CRAMP1: variants seen among roughly 807,000 people sequenced by gnomAD.
The protein encoded by CRAMP1 is protein cramped-like.
In CRAMP1, 50 loss-of-function variants were observed where a neutral mutation model predicts 115.4. That is an observed-to-expected ratio of 0.43 (90% CI 0.35 to 0.55). CRAMP1 has a LOEUF of 0.55. Ranked by LOEUF, CRAMP1 falls within the 20% of genes least tolerant of loss-of-function variation. CRAMP1 has a pLI of 0.01. For synonymous variants in CRAMP1, 866 were observed against 745.4 expected (o/e 1.16, Z -2.64); for missense variants, 1,679 against 1,721.7 (o/e 0.98, Z 0.44).
intron 2 of CRAMP1, among the ~76,000 whole-genome samples, chr16:1,617,070 C>T (rs13336178): frequency 0.084 from 12,817 of 152,010 alleles, 597 homozygotes; most frequent in African/African-American, 0.12. Flanking sequence ...GTGATCCTCC[C>T]GCCTCAGCCC....
intron 2 of CRAMP1, among the ~76,000 whole-genome samples, chr16:1,622,405 C>G (rs952802155): frequency 6.6e-6 from 1 of 152,100 alleles, no homozygotes; most frequent in Non-Finnish European, 1.5e-5. Flanking sequence ...CCCAGCTACT[C>G]GAGAGGCTGG....
intron 17 of CRAMP1, 143 bp from the exon 18 acceptor site, chr16:1,667,819 C>T (rs1202257236): frequency 8.1e-6 from 5 of 619,966 alleles, no homozygotes; most frequent in African/African-American, 3.7e-5. Flanking sequence ...CGAGTGTGTT[C>T]CTGAGTTGGA....
chr16:1,675,957 C>G lies in CRAMP1; in HGVS notation c.*1912C>G, dbSNP rs369807956. Reference sequence around the variant, plus strand: ...ATTGAGCCAGAGAAGACAAGGAGATCTCCCTCTGGGCATCTGGCTTTGCTG... The same window carrying G: ...ATTGAGCCAGAGAAGACAAGGAGATGTCCCTCTGGGCATCTGGCTTTGCTG... On this transcript the variant is annotated 3_prime_UTR_variant, in exon 21 of 21. Coordinates refer to ENST00000397412, the MANE Select transcript of CRAMP1 (RefSeq NM_020825.4). The G allele has an allele frequency of 6.6e-6, 1 of 152,250 alleles. No individual in the cohort carries two copies. Among genetic ancestry groups the G allele is most frequent in the Non-Finnish European group, 1.5e-5 (1 of 68,064 alleles). The allele number at this position is 152,250 out of a possible 1,614,324, so 9.4% of individuals were successfully genotyped here. A position where few individuals can be genotyped will look rare whatever the true frequency, so the allele number is the denominator to read the frequency against.
intron 10 of CRAMP1, among the ~76,000 whole-genome samples, chr16:1,657,453 C>T (rs770596307): frequency 3.9e-5 from 6 of 152,192 alleles, no homozygotes; most frequent in African/African-American, 7.2e-5. Context: ...GGCCTGGAGC[C>T]GAGCTAGCCT....
At chr16:1,647,334 A>G (rs1281739100) in intron 6 of CRAMP1, among the ~76,000 whole-genome samples, 1 of 152,238 alleles carries the variant, frequency 6.6e-6, no homozygotes, top group Non-Finnish European at 1.5e-5. Context: ...GTGGTTTTGC[A>G]GAGAAGAGAA....
chr16:1,655,878 G>C lies in CRAMP1; in HGVS notation c.1121G>C (p.Arg374Pro). ...GGGCCTTCCTTGACGGGCACTCAGC[G>C]GAAGACACTCGAGGAGCGGCAGCTG... Reference protein sequence around the residue: ...QKWALHEVRVRKTLEERQLQD... With the variant: ...QKWALHEVRVPKTLEERQLQD... Residue 374 changes from arginine to proline, a missense_variant and splice_region_variant, in exon 10 of 21, where the codon CGG (arginine) becomes CCG (proline). Transcript: ENST00000397412. The C allele has an allele frequency of 6.2e-7, 1 of 1,605,714 alleles. No homozygotes were observed. The highest frequency in any genetic ancestry group is 8.5e-7 in the Non-Finnish European group (1 of 1,174,784).
Position 1,656,716 on chromosome 16 carries a change from G to A in CRAMP1, c.1959G>A (p.Gln653=), listed in dbSNP as rs1320586522. The change falls in exon 10 of 21, where the codon CAG becomes CAA. Residue 653 remains glutamine (Q), a synonymous_variant. Transcript: ENST00000397412. The surrounding 1 kb of genome is among the most constrained non-coding windows in gnomAD (Gnocchi z 5.6). ...GCCCCGCGGGGCCTCCGCCGTCTCA[G>A]GGACAGCCTGCCGCCAGGCCCCCGA... ...KGSPAGPPPS[Q]GQPAARPPKE... 6.4e-7 allele frequency: 1 copy of A among 1,553,644 alleles called. No individual in the cohort carries two copies. The highest frequency in any genetic ancestry group is 1.4e-5 in the African/African-American group (1 of 73,214).
intron 2 of CRAMP1, among the ~76,000 whole-genome samples, chr16:1,619,024 G>A (rs552785571): frequency 3.3e-5 from 5 of 152,172 alleles, no homozygotes; most frequent in African/African-American, 9.7e-5. Context: ...TAGACTTTTC[G>A]ATTTTCATTT....
intron 2 of CRAMP1, among the ~76,000 whole-genome samples, chr16:1,623,187 T>C (rs7201375): frequency 0.19 from 28,880 of 152,218 alleles, 3,873 homozygotes; most frequent in African/African-American, 0.37. Context: ...ACTGAGGATG[T>C]GTCATTTTTA....
intron 11 of CRAMP1, among the ~76,000 whole-genome samples, chr16:1,660,464 G>T (rs1283657540): frequency 4.6e-5 from 7 of 152,162 alleles, no homozygotes. Context: ...AGTTAGGGGA[G>T]GTGCCAGTAG....
intron 6 of CRAMP1, among the ~76,000 whole-genome samples, chr16:1,643,410 G>A (rs1052719628): frequency 2.0e-5 from 3 of 152,146 alleles, no homozygotes; most frequent in Admixed American, 6.5e-5. Flanking sequence ...GTGTGGTGGT[G>A]CATGCCTGTA....
Position 1,614,281 on chromosome 16 carries a change from A to ACCCGCG in CRAMP1, c.-1-349_-1-344dup, listed in dbSNP as rs1283834960. 2.1e-5 allele frequency among the ~76,000 whole-genome samples: 3 copies of ACCCGCG among 142,440 alleles called. No homozygotes were observed. The highest frequency in any genetic ancestry group is 5.1e-5 in the African/African-American group (2 of 39,054). The allele number at this position is 142,440 out of a possible 152,430, so 93.4% of individuals were successfully genotyped here. ...GGCCCGGACCCGCAACCGTGCCCAG[A>ACCCGCG]CCCGCGCCCGCGCCGGGGCTCCCAT... On this transcript the variant is annotated intron_variant, in intron 1 of 20. Transcript: ENST00000397412. The surrounding 1 kb of genome is among the most constrained non-coding windows in gnomAD (Gnocchi z 4.4).
chr16:1,619,219 C>A (rs113404978), intron 2 of CRAMP1, among the ~76,000 whole-genome samples: 2 of 152,180 alleles, frequency 1.3e-5, no homozygotes, highest in Admixed American at 6.5e-5. Context: ...CTCATTCTGT[C>A]GCCTGGGCTT....
At chr16:1,662,702 C>T (rs1473087442) in intron 12 of CRAMP1, 31 bp downstream of exon 12, 4 of 1,613,652 alleles carry the variant, frequency 2.5e-6, no homozygotes, top group East Asian at 2.2e-5. Flanking sequence ...CGCCCGCGTG[C>T]GAGCGTCCCC....
intron 5 of CRAMP1, among the ~76,000 whole-genome samples, chr16:1,639,400 GA>G (rs1388579111): frequency 2.0e-5 from 3 of 150,332 alleles, no homozygotes; most frequent in African/African-American, 7.3e-5. Flanking sequence ...TCTAGAGGGG[GA>G]AACCTCTAGA....
chr16:1,643,976 T>C (rs578103893), intron 6 of CRAMP1, among the ~76,000 whole-genome samples: 1 of 152,278 alleles, frequency 6.6e-6, no homozygotes, highest in Non-Finnish European at 1.5e-5. Context: ...AGGAAGCTAG[T>C]GTTGAGGTAG....
At chr16:1,622,003 TC>T (rs2036469301) in intron 2 of CRAMP1, among the ~76,000 whole-genome samples, 1 of 152,202 alleles carries the variant, frequency 6.6e-6, no homozygotes, top group South Asian at 2.1e-4. Context: ...TCTGTTTTCA[TC>T]TGAATTTCTC....
intron 3 of CRAMP1, among the ~76,000 whole-genome samples, chr16:1,631,351 C>T (rs780978594): frequency 3.3e-5 from 5 of 152,238 alleles, no homozygotes; most frequent in Admixed American, 6.5e-5. Flanking sequence ...GCTCCTGCAT[C>T]CTCTTCTCAC....
intron 20 of CRAMP1, among the ~76,000 whole-genome samples, chr16:1,673,039 CAT>C (rs2036934858): frequency 1.3e-5 from 2 of 151,684 alleles, no homozygotes; most frequent in South Asian, 2.1e-4. Flanking sequence ...GCCCTCACCA[CAT>C]GTCCTTGGGA....
Sources: allele counts gnomAD v4.1 joint callset (sites outside exome capture counted in the v4.1 genomes callset), GRCh38; gene constraint gnomAD v4.1.1; non-coding constraint Gnocchi (gnomAD v3.1); transcripts MANE v1.5; gene names NCBI Gene and HGNC (gene_info 2026-07-23, HGNC 2026-07-21).